Variants in POT1 observed in about 807,000 individuals in gnomAD.
POT1 encodes the protein protection of telomeres 1.
Under a neutral mutation model 78.5 loss-of-function variants are expected in POT1, and 47 were observed. The ratio of observed to expected loss-of-function variants is 0.60; its 90% CI spans 0.47 to 0.76. POT1 has a LOEUF of 0.76. Ranked by LOEUF, POT1 falls within the 30% of genes least tolerant of loss-of-function variation. The pLI is 0.00. For synonymous variants in POT1, 259 were observed against 260.7 expected (o/e 0.99, Z 0.06); for missense variants, 646 against 749.9 (o/e 0.86, Z 1.62).
At chr7:124,849,256 T>C (rs760855139) in intron 11 of POT1, among the ~76,000 whole-genome samples, 41 of 152,018 alleles carry the variant, frequency 2.7e-4, no homozygotes, top group Non-Finnish European at 4.0e-4. Flanking sequence ...ACCATAAAAG[T>C]AGTCAAATAA....
At chr7:124,867,811 C>A (rs964795613) in intron 7 of POT1, among the ~76,000 whole-genome samples, 11 of 151,870 alleles carry the variant, frequency 7.2e-5, no homozygotes, top group Admixed American at 2.0e-4. Flanking sequence ...CCACACCTAG[C>A]TAATATTTGT....
intron 17 of POT1, among the ~76,000 whole-genome samples, chr7:124,825,803 G>T (rs919001721): frequency 2.0e-5 from 3 of 152,108 alleles, no homozygotes; most frequent in Admixed American, 6.6e-5. Flanking sequence ...CATCACATAG[G>T]ATAGTACCTA....
intron 5 of POT1, among the ~76,000 whole-genome samples, chr7:124,893,000 C>G (rs1026293704): frequency 2.0e-5 from 3 of 151,420 alleles, no homozygotes; most frequent in African/African-American, 7.2e-5. Flanking sequence ...GAACACTAGT[C>G]TTAACAATAC....
rs150321077 is a variant in POT1, at chr7:124,865,417, G to A, written c.256-1777C>T. Reference sequence around the variant, plus strand: ...TCTCCTCTTGCATCCTAAATTACATGTAACCCTTGATATTGTTCCATAGGT... The same window carrying A: ...TCTCCTCTTGCATCCTAAATTACATATAACCCTTGATATTGTTCCATAGGT... On this transcript the variant is annotated intron_variant, in intron 7 of 18. Coordinates refer to ENST00000357628, the MANE Select transcript of POT1 (RefSeq NM_015450.3). Among the ~76,000 whole-genome samples, 247 of 151,938 alleles carry A rather than the reference G, an allele frequency of 1.6e-3. 2 individuals carry two copies. The highest frequency in any genetic ancestry group is 0.013 in the Admixed American group (201 of 15,262).
intron 2 of POT1, among the ~76,000 whole-genome samples, chr7:124,928,179 C>A (rs888481505): frequency 6.6e-6 from 1 of 151,866 alleles, no homozygotes; most frequent in Admixed American, 6.5e-5. Context: ...TGGCCCAGAT[C>A]ATCATCAACT....
At position 124,822,681 on chromosome 7, in the gene POT1, C is replaced by A. The variant is rs1026290363; in HGVS notation, c.*1281G>T. The A allele has an allele frequency of 1.7e-5, 5 of 301,282 alleles. No individual in the cohort carries two copies. Among genetic ancestry groups the A allele is most frequent in the Non-Finnish European group, 2.9e-5 (4 of 137,854 alleles). 18.7% of individuals were successfully genotyped at this position (301,282 alleles called of 1,614,324 possible). ...ATGTTTTGAACCAAGAGTCTATATT[C>A]TTGAAAATAAAATCAGTCTTTCTCA... On this transcript the variant is annotated 3_prime_UTR_variant, in exon 19 of 19. Transcript: ENST00000357628.
At chr7:124,920,549 T>C (rs1452710265) in intron 2 of POT1, among the ~76,000 whole-genome samples, 1 of 152,146 alleles carries the variant, frequency 6.6e-6, no homozygotes, top group East Asian at 1.9e-4. Flanking sequence ...AATGTAGCAC[T>C]AAAATCCATT....
rs558650912 is a variant in POT1 at position 124,822,938 on chromosome 7, G to A, written c.*1024C>T. The A allele has an allele frequency of 3.6e-5, 6 of 168,550 alleles. No homozygotes were observed. The East Asian group carries it at 4.3e-4, about 12-fold the overall frequency. 10.4% of individuals were successfully genotyped at this position (168,550 alleles called of 1,614,324 possible). A position where few individuals can be genotyped will look rare whatever the true frequency, so the allele number is the denominator to read the frequency against. On this transcript the variant is annotated 3_prime_UTR_variant, in exon 19 of 19. Coordinates refer to ENST00000357628, the MANE Select transcript of POT1 (RefSeq NM_015450.3). ...TTTCAGATGTTTAAGTCAAAGACTC[G>A]TTGCAGAAAACTGTTAGCTTCTGTT...
chr7:124,899,403 G>A (rs1373261116), intron 3 of POT1, among the ~76,000 whole-genome samples: 2 of 152,054 alleles, frequency 1.3e-5, no homozygotes, highest in African/African-American at 4.8e-5. Flanking sequence ...ATAACTGAGT[G>A]TATGCTGATA....
intron 3 of POT1, among the ~76,000 whole-genome samples, chr7:124,908,744 T>C (rs1372296042): frequency 2.6e-4 from 39 of 151,920 alleles, no homozygotes; most frequent in Admixed American, 2.6e-3. Context: ...ACATCTATCA[T>C]AGAATACAAA....
chr7:124,894,635 A>T (rs1417299873), intron 5 of POT1, among the ~76,000 whole-genome samples: 1 of 151,624 alleles, frequency 6.6e-6, no homozygotes. Flanking sequence ...TTAATGTACC[A>T]TTGAGTAAGC....
intron 6 of POT1, among the ~76,000 whole-genome samples, chr7:124,891,002 C>T (rs1796357291): frequency 6.6e-6 from 1 of 151,686 alleles, no homozygotes; most frequent in African/African-American, 2.4e-5. Context: ...GTAGAATATT[C>T]TGCATATGTC....
At chr7:124,884,483 G>A (rs187764864) in intron 6 of POT1, among the ~76,000 whole-genome samples, 1 of 152,224 alleles carries the variant, frequency 6.6e-6, no homozygotes, top group Admixed American at 6.5e-5. Flanking sequence ...TCTAAAATGA[G>A]TTTTAATGGG....
intron 6 of POT1, among the ~76,000 whole-genome samples, chr7:124,876,106 G>A (rs754966196): frequency 1.3e-5 from 2 of 152,202 alleles, no homozygotes; most frequent in Non-Finnish European, 2.9e-5. Flanking sequence ...TTTTTGAGTC[G>A]ACAAAGTTTT....
At chr7:124,905,922 T>C (rs989850619) in intron 3 of POT1, among the ~76,000 whole-genome samples, 10 of 151,998 alleles carry the variant, frequency 6.6e-5, no homozygotes, top group African/African-American at 2.4e-4. Flanking sequence ...GAAATGCAAA[T>C]CAAAACCACA....
chr7:124,905,799 C>G (rs1796751769), intron 3 of POT1, among the ~76,000 whole-genome samples: 1 of 151,986 alleles, frequency 6.6e-6, no homozygotes, highest in Non-Finnish European at 1.5e-5. Context: ...AGAAAAAAAT[C>G]AAACAACCCC....
intron 9 of POT1, chr7:124,853,359 T>C: frequency 2.3e-6 from 1 of 440,266 alleles, no homozygotes; most frequent in Non-Finnish European, 4.0e-6. Context: ...TATGCGTGTG[T>C]GCACACACAT....
intron 8 of POT1, among the ~76,000 whole-genome samples, chr7:124,861,989 C>T (rs1428477659): frequency 3.3e-5 from 5 of 152,150 alleles, no homozygotes; most frequent in South Asian, 2.1e-4. Flanking sequence ...CAGTACAATG[C>T]TTTTTTGGTT....
intron 6 of POT1, among the ~76,000 whole-genome samples, chr7:124,879,599 G>C (rs1445955002): frequency 1.3e-5 from 2 of 152,076 alleles, no homozygotes; most frequent in Non-Finnish European, 2.9e-5. Flanking sequence ...AAGTTAAAAT[G>C]GAAGAGCAGG....
Sources: allele counts gnomAD v4.1 joint callset (sites outside exome capture counted in the v4.1 genomes callset), GRCh38; gene constraint gnomAD v4.1.1; transcripts MANE v1.5; gene names NCBI Gene and HGNC (gene_info 2026-07-23, HGNC 2026-07-21).